Variants in TRAPPC6A observed in about 807,000 individuals in gnomAD.
TRAPPC6A encodes TRAPP complex subunit 6A.
In TRAPPC6A, 25 loss-of-function variants were observed where a neutral mutation model predicts 20.8. That is an observed-to-expected ratio of 1.20 (90% CI 0.88 to 1.68). The LOEUF is 1.68. TRAPPC6A is among the 40% of genes most tolerant of loss of function. The pLI is 0.00. For synonymous variants in TRAPPC6A, 96 were observed against 93.3 expected, an observed-to-expected ratio of 1.03 and a Z score of -0.16; for missense variants, 215 against 211.6, an observed-to-expected ratio of 1.02 and a Z score of -0.10.
At chr19:45,164,551 G>A (rs557649986) in intron 3 of TRAPPC6A, among the ~76,000 whole-genome samples, 1 of 152,282 alleles carries the variant, frequency 6.6e-6, no homozygotes, top group South Asian at 2.1e-4. Flanking sequence ...GTCACTGGGG[G>A]ACTAGACCAG....
intron 1 of TRAPPC6A, among the ~76,000 whole-genome samples, chr19:45,170,163 A>C (rs914133361): frequency 9.9e-5 from 15 of 152,152 alleles, no homozygotes; most frequent in African/African-American, 3.6e-4. Context: ...TGGGCTGCAG[A>C]GGGGGCATTT....
rs1303587654 is a variant in TRAPPC6A, at chr19:45,178,220, C to T, written c.-2G>A. 1 of 1,591,692 alleles carries T rather than the reference C, an allele frequency of 6.3e-7. No individual in the cohort carries two copies. The highest frequency in any genetic ancestry group is 8.6e-7 in the Non-Finnish European group (1 of 1,165,288). On this transcript the variant is annotated 5_prime_UTR_variant, in exon 1 of 6. Coordinates refer to ENST00000585934, the MANE Select transcript of TRAPPC6A (RefSeq NM_001270891.2). ...CTCAAACAACACAGTATCCGCCATG[C>T]CCCCTCCTCGCACGCCTAAAGATGC...
chr19:45,178,074 G>A (rs753084345), intron 1 of TRAPPC6A, 61 bp downstream of exon 1: 26 of 1,609,248 alleles, frequency 1.6e-5, no homozygotes, highest in African/African-American at 4.0e-5. Flanking sequence ...CGCGCCCTCC[G>A]CTCTCCCAGA....
Position 45,163,608 on chromosome 19 carries a change from A to G in TRAPPC6A, c.448+308T>C, listed in dbSNP as rs1969063453. ...CTTGTCTGACAGAGGACACCCAGTC[A>G]GGCAGGCTGCAAGTTCCCTGGAGCC... On this transcript the variant is annotated intron_variant, in intron 5 of 5. Transcript: ENST00000585934. This position sits in a 1 kb window ranked among gnomAD's most constrained non-coding sequence, Gnocchi z 5.3. 6.6e-6 allele frequency among the ~76,000 whole-genome samples: 1 copy of G among 152,174 alleles called. No homozygotes were observed. The highest frequency in any genetic ancestry group is 2.4e-5 in the African/African-American group (1 of 41,456).
rs989408051 is a variant in TRAPPC6A at position 45,178,170 on chromosome 19, C to G, written c.49G>C (p.Glu17Gln). The stretch of plus-strand genomic sequence containing the variant: ...GGGTCGGGGTCGTGAGCCCACAGCT[C>G]AGCCACCATCTCCGTGTGAAGAAAC... ...FEFLHTEMVA[E>Q]LWAHDPDPGP... Residue 17 changes from glutamate (E) to glutamine (Q), a missense_variant, in exon 1 of 6, where the codon GAG becomes CAG. Transcript: ENST00000585934. 1 of 1,612,484 alleles carries G rather than the reference C, an allele frequency of 6.2e-7. No homozygotes were observed. Among genetic ancestry groups the G allele is most frequent in the Non-Finnish European group, 8.5e-7 (1 of 1,178,898 alleles).
intron 1 of TRAPPC6A, among the ~76,000 whole-genome samples, chr19:45,174,045 C>T (rs1969315274): frequency 6.6e-6 from 1 of 152,140 alleles, no homozygotes; most frequent in African/African-American, 2.4e-5. Flanking sequence ...CCACAGAAAC[C>T]CATTAAAATC....
intron 1 of TRAPPC6A, among the ~76,000 whole-genome samples, chr19:45,170,732 G>A (rs541992424): frequency 1.3e-5 from 2 of 152,358 alleles, no homozygotes; most frequent in African/African-American, 2.4e-5. Flanking sequence ...CAGTGGTGGT[G>A]TGACTGGCAG....
At chr19:45,175,552 G>A (rs1382700862) in intron 1 of TRAPPC6A, among the ~76,000 whole-genome samples, 1 of 152,142 alleles carries the variant, frequency 6.6e-6, no homozygotes, top group Non-Finnish European at 1.5e-5. Flanking sequence ...CTCAGGGAAG[G>A]CATCCCTGAG....
chr19:45,168,981 GACA>G (rs1969216151), intron 1 of TRAPPC6A, among the ~76,000 whole-genome samples: 1 of 152,216 alleles, frequency 6.6e-6, no homozygotes, highest in Admixed American at 6.5e-5. Flanking sequence ...CCTCATGGGT[GACA>G]ACGACACGGC....
chr19:45,164,273 TG>T, intron 3 of TRAPPC6A, 26 bp from the exon 4 acceptor site: 1 of 1,517,996 alleles, frequency 6.6e-7, no homozygotes, highest in Non-Finnish European at 9.0e-7. Flanking sequence ...GGCTGGTGGG[TG>T]GGGTCGGGGC....
Position 45,164,233 on chromosome 19 carries a change from C to T in TRAPPC6A, c.285G>A (p.Leu95=). Residue 95 remains leucine, a synonymous_variant, in exon 4 of 6, where the codon CTG becomes CTA. Transcript: ENST00000585934. The stretch of plus-strand genomic sequence containing the variant: ...GGAGGAGGGGGAAGCTGTTGTCTTG[C>T]AGGACGTAGGTCCCCTGGGGGAGAG... The part of the protein sequence containing the change: ...LRTNHQGTYV[L]QDNSFPLLLP... 5 of 1,606,618 alleles carry T rather than the reference C, an allele frequency of 3.1e-6. No homozygotes were observed. Among genetic ancestry groups the T allele is most frequent in the Non-Finnish European group, 4.3e-6 (5 of 1,176,214 alleles).
intron 1 of TRAPPC6A, among the ~76,000 whole-genome samples, chr19:45,165,852 G>A (rs538404916): frequency 7.2e-5 from 11 of 152,274 alleles, no homozygotes; most frequent in Middle Eastern, 3.4e-3. Context: ...GCTGCACTCG[G>A]TGTCTGTCCA....
rs1168095320 is a variant in TRAPPC6A at position 45,173,865 on chromosome 19, C to T, written c.84+4270G>A. Among the ~76,000 whole-genome samples the T allele has an allele frequency of 1.3e-5, 2 of 152,168 alleles. No homozygotes were observed. Among genetic ancestry groups the T allele is most frequent in the Non-Finnish European group, 2.9e-5 (2 of 68,016 alleles). ...TGGGAGCTTTCTGAGGCCTGACACT[C>T]AGGCCTCACCCCAACCGGGTTCGTC... On this transcript the variant is annotated intron_variant, in intron 1 of 5. Transcript: ENST00000585934. The surrounding 1 kb of genome is among the most constrained non-coding windows in gnomAD (Gnocchi z 4.8).
At chr19:45,175,426 CAA>C (rs1217215768) in intron 1 of TRAPPC6A, among the ~76,000 whole-genome samples, 5 of 81,450 alleles carry the variant, frequency 6.1e-5, no homozygotes, top group African/African-American at 7.9e-5. Flanking sequence ...GACTCCGTCT[CAA>C]AAAAAAAAAA....
chr19:45,174,698 G>A (rs940006513), intron 1 of TRAPPC6A, among the ~76,000 whole-genome samples: 1 of 152,022 alleles, frequency 6.6e-6, no homozygotes, highest in Non-Finnish European at 1.5e-5. Flanking sequence ...GTATGGTTGT[G>A]TGCACCTGTA....
At chr19:45,171,924 C>T (rs1036991474) in intron 1 of TRAPPC6A, among the ~76,000 whole-genome samples, 1 of 152,206 alleles carries the variant, frequency 6.6e-6, no homozygotes, top group Non-Finnish European at 1.5e-5. Flanking sequence ...TGGGTGACAG[C>T]GCCTTAGCTC....
intron 1 of TRAPPC6A, 162 bp downstream of exon 1, chr19:45,177,973 G>T (rs1424679929): frequency 6.3e-5 from 85 of 1,356,738 alleles, no homozygotes; most frequent in Non-Finnish European, 7.7e-5. Flanking sequence ...AGCCGGCACC[G>T]TCGCGAACGC....
At position 45,172,921 on chromosome 19, in the gene TRAPPC6A, G is replaced by A. The variant is rs1435682638; in HGVS notation, c.84+5214C>T. Reference sequence around the variant, plus strand: ...GAGCCCCAGTTCCCAGGAGGGCCTCGCTGGAGCTCCCAGCCACAGATGCTC... The same window carrying A: ...GAGCCCCAGTTCCCAGGAGGGCCTCACTGGAGCTCCCAGCCACAGATGCTC... On this transcript the variant is annotated intron_variant, in intron 1 of 5. Coordinates refer to ENST00000585934, the MANE Select transcript of TRAPPC6A (RefSeq NM_001270891.2). The surrounding 1 kb of genome is among the most constrained non-coding windows in gnomAD (Gnocchi z 4.2). Among the ~76,000 whole-genome samples, 3 of 151,640 alleles carry A rather than the reference G, an allele frequency of 2.0e-5. 1 individual carries two copies. The highest frequency in any genetic ancestry group is 7.3e-5 in the African/African-American group (3 of 40,938).
chr19:45,178,083 G>A (rs777953557), intron 1 of TRAPPC6A, 52 bp downstream of exon 1: 3 of 1,611,468 alleles, frequency 1.9e-6, no homozygotes, highest in Middle Eastern at 1.7e-4. Flanking sequence ...CGCTCTCCCA[G>A]AGGCGTTACC....
Sources: gnomAD v4.1 joint callset for allele counts (sites outside exome capture counted in the v4.1 genomes callset) on GRCh38, gnomAD v4.1.1 for gene constraint, Gnocchi (gnomAD v3.1) non-coding constraint, MANE v1.5 for transcripts, NCBI Gene and HGNC (gene_info 2026-07-23, HGNC 2026-07-21) for gene names.